LRRC4C: variants seen among roughly 807,000 people sequenced by gnomAD.
The protein encoded by LRRC4C is leucine-rich repeat-containing protein 4C.
LRRC4C carries 5 observed loss-of-function variants against 33.6 expected under a neutral mutation model. The ratio of observed to expected loss-of-function variants is 0.15; its 90% confidence interval spans 0.08 to 0.31. The LOEUF is 0.31. Ranked by LOEUF, LRRC4C falls within the 10% of genes least tolerant of loss-of-function variation. LRRC4C has a pLI of 1.00. For synonymous variants in LRRC4C, 329 were observed against 302.0 expected (o/e 1.09, Z -0.93); for missense variants, 560 against 796.7 (o/e 0.70, Z 3.58).
intron 6 of LRRC4C, among the ~76,000 whole-genome samples, chr11:40,135,298 T>C (rs1347133026): frequency 6.6e-6 from 1 of 152,232 alleles, no homozygotes; most frequent in African/African-American, 2.4e-5. Flanking sequence ...CCATGCTGTG[T>C]TAACCATAGG....
chr11:41,132,903 A>G (rs1459793399), intron 1 of LRRC4C, among the ~76,000 whole-genome samples: 1 of 152,130 alleles, frequency 6.6e-6, no homozygotes, highest in African/African-American at 2.4e-5. Context: ...AGATGTAATG[A>G]TATATTTTCA....
At chr11:40,418,503 T>A (rs1471997351) in intron 3 of LRRC4C, among the ~76,000 whole-genome samples, 1 of 152,180 alleles carries the variant, frequency 6.6e-6, no homozygotes, top group Non-Finnish European at 1.5e-5. Context: ...CACTTTTACA[T>A]TGTTGGTGGG....
intron 2 of LRRC4C, among the ~76,000 whole-genome samples, chr11:40,917,199 C>T (rs1236216556): frequency 6.6e-6 from 1 of 152,080 alleles, no homozygotes; most frequent in East Asian, 1.9e-4. Context: ...TTTGGAGTGA[C>T]ACCTCTAATC....
chr11:41,103,493 A>G (rs1380819845), intron 1 of LRRC4C, among the ~76,000 whole-genome samples: 4 of 150,562 alleles, frequency 2.7e-5, no homozygotes, highest in African/African-American at 1.0e-4. Context: ...AGAATATTAC[A>G]TCTTCAACAA....
intron 1 of LRRC4C, among the ~76,000 whole-genome samples, chr11:41,157,412 C>T (rs1944282137): frequency 6.6e-6 from 1 of 151,982 alleles, no homozygotes; most frequent in African/African-American, 2.4e-5. Context: ...TGTAAAAGTC[C>T]ATAGGACCAT....
intron 4 of LRRC4C, among the ~76,000 whole-genome samples, chr11:40,303,064 C>T (rs1944856428): frequency 6.6e-6 from 1 of 151,962 alleles, no homozygotes; most frequent in South Asian, 2.1e-4. Context: ...GGTAAAGGAA[C>T]ATCACTGAGG....
intron 1 of LRRC4C, among the ~76,000 whole-genome samples, chr11:41,347,299 T>C (rs1399831180): frequency 6.6e-6 from 1 of 152,202 alleles, no homozygotes; most frequent in Non-Finnish European, 1.5e-5. Flanking sequence ...TCTAGTATAC[T>C]TACTGAACTA....
At chr11:40,886,938 ACGTATATATACACG>A (rs2136073261) in intron 2 of LRRC4C, among the ~76,000 whole-genome samples, 1 of 147,406 alleles carries the variant, frequency 6.8e-6, no homozygotes, top group South Asian at 2.1e-4. Flanking sequence ...ATATACGTGT[ACGTATATATACACG>A]TGTGTGTATA....
intron 3 of LRRC4C, among the ~76,000 whole-genome samples, chr11:40,335,431 C>T (rs1946553636): frequency 6.6e-6 from 1 of 152,012 alleles, no homozygotes; most frequent in South Asian, 2.1e-4. Context: ...TTTCTAACAC[C>T]CTTCCAAATG....
chr11:40,591,355 C>T (rs1959050218), intron 3 of LRRC4C, among the ~76,000 whole-genome samples: 1 of 152,140 alleles, frequency 6.6e-6, no homozygotes, highest in Non-Finnish European at 1.5e-5. Flanking sequence ...GGTGCACGGA[C>T]CCACTGACCT....
At chr11:40,843,725 CAA>C (rs1337171183) in intron 2 of LRRC4C, among the ~76,000 whole-genome samples, 1 of 152,084 alleles carries the variant, frequency 6.6e-6, no homozygotes, top group East Asian at 1.9e-4. Flanking sequence ...GCAGTATGCT[CAA>C]AATTTTAGAA....
At chr11:40,139,681 A>G (rs901556990) in intron 6 of LRRC4C, among the ~76,000 whole-genome samples, 1 of 152,206 alleles carries the variant, frequency 6.6e-6, no homozygotes, top group Admixed American at 6.5e-5. Context: ...AGACAGCACC[A>G]AAGTGCAGCA....
intron 6 of LRRC4C, among the ~76,000 whole-genome samples, chr11:40,128,624 A>C (rs928102539): frequency 2.6e-5 from 4 of 152,100 alleles, no homozygotes; most frequent in Admixed American, 6.5e-5. Flanking sequence ...TTTGGTCTCC[A>C]AGACTCAGCC....
chr11:41,045,438 T>A (rs527751504), intron 1 of LRRC4C, among the ~76,000 whole-genome samples: 1 of 152,258 alleles, frequency 6.6e-6, no homozygotes, highest in Non-Finnish European at 1.5e-5. Context: ...CAACATTTGC[T>A]ACTAAATGGA....
At chr11:41,228,782 G>A (rs1362337688) in intron 1 of LRRC4C, among the ~76,000 whole-genome samples, 1 of 152,006 alleles carries the variant, frequency 6.6e-6, no homozygotes, top group Admixed American at 6.6e-5. Context: ...TGCATGTCTG[G>A]TTAATTTAAT....
chr11:40,944,936 C>A (rs900952552), intron 1 of LRRC4C, among the ~76,000 whole-genome samples: 9 of 151,758 alleles, frequency 5.9e-5, no homozygotes, highest in Non-Finnish European at 1.3e-4. Flanking sequence ...TCTCATGCCA[C>A]TATGCAAGTT....
intron 3 of LRRC4C, among the ~76,000 whole-genome samples, chr11:40,645,095 A>T (rs150705350): frequency 2.0e-5 from 3 of 152,294 alleles, no homozygotes; most frequent in African/African-American, 7.2e-5. Context: ...GATTTTAAGG[A>T]ATACCATTCA....
intron 2 of LRRC4C, among the ~76,000 whole-genome samples, chr11:40,665,343 T>C (rs1300790805): frequency 6.6e-5 from 1 of 15,146 alleles, no homozygotes; most frequent in African/African-American, 1.9e-4. Context: ...TATATATATA[T>C]ATATATATAT....
At chr11:40,621,082 T>C (rs1403248753) in intron 3 of LRRC4C, among the ~76,000 whole-genome samples, 1 of 151,690 alleles carries the variant, frequency 6.6e-6, no homozygotes, top group Admixed American at 6.6e-5. Flanking sequence ...GTTTTATCTC[T>C]TCTTTCAGCT....
Sources: gnomAD v4.1 joint callset for allele counts (sites outside exome capture counted in the v4.1 genomes callset) on GRCh38, gnomAD v4.1.1 for gene constraint, MANE v1.5 for transcripts, NCBI Gene and HGNC (gene_info 2026-07-23, HGNC 2026-07-21) for gene names.